The following LSAMP variants were observed in gnomAD, a reference collection of about 807,000 sequenced individuals.
LSAMP encodes the protein limbic system associated membrane protein.
Under a neutral mutation model 38.6 loss-of-function variants are expected in LSAMP, and 7 were observed. That is an observed-to-expected ratio of 0.18 (90% CI 0.10 to 0.34). The LOEUF is 0.34. Among genes scored for constraint, LSAMP ranks in the 10% least tolerant of loss-of-function variants. LSAMP has a pLI of 1.00. For missense variants in LSAMP, 313 were observed against 420.0 expected, an observed-to-expected ratio of 0.75 and a Z score of 2.23; for synonymous variants, 154 against 166.8, an observed-to-expected ratio of 0.92 and a Z score of 0.59.
At chr3:116,078,723 C>T (rs573760158) in intron 2 of LSAMP, among the ~76,000 whole-genome samples, 32 of 152,242 alleles carry the variant, frequency 2.1e-4, no homozygotes, top group African/African-American at 7.7e-4. Context: ...ATACTTGGCT[C>T]GTGAAAGTCT....
intron 1 of LSAMP, among the ~76,000 whole-genome samples, chr3:116,313,700 TC>T (rs1470762958): frequency 6.6e-6 from 1 of 152,192 alleles, no homozygotes; most frequent in Non-Finnish European, 1.5e-5. Context: ...ACACCTATCA[TC>T]CCAGTACTTT....
At chr3:116,020,740 G>T in intron 2 of LSAMP, among the ~76,000 whole-genome samples, 1 of 152,146 alleles carries the variant, frequency 6.6e-6, no homozygotes. Flanking sequence ...CATCACAGAG[G>T]TTATGCACTG....
intron 1 of LSAMP, among the ~76,000 whole-genome samples, chr3:116,304,221 A>G (rs760054044): frequency 1.3e-5 from 2 of 152,180 alleles, no homozygotes; most frequent in Non-Finnish European, 2.9e-5. Flanking sequence ...GAAAGCAGGC[A>G]TGAAAAAGAT....
At chr3:115,812,571 C>G (rs190584894) in intron 6 of LSAMP, among the ~76,000 whole-genome samples, 1 of 152,262 alleles carries the variant, frequency 6.6e-6, no homozygotes, top group Admixed American at 6.5e-5. Context: ...ATGTTACTTT[C>G]CTAACCTTTT....
chr3:115,842,713 A>G (rs1935035834), intron 4 of LSAMP, 135 bp from the exon 5 acceptor site: 4 of 1,082,348 alleles, frequency 3.7e-6, no homozygotes, highest in Non-Finnish European at 5.2e-6. Flanking sequence ...ATTTGTATGA[A>G]TTATGTGATC....
chr3:116,039,221 T>G (rs62271282), intron 2 of LSAMP, among the ~76,000 whole-genome samples: 5,566 of 152,336 alleles, frequency 0.037, 183 homozygotes, highest in Non-Finnish European at 0.052. Flanking sequence ...TAAGCAAATC[T>G]ACATTTGTCA....
rs1310872360 is a variant in LSAMP at position 116,019,383 on chromosome 3, A to C, written c.514+132T>G. 5 of 1,129,330 alleles carry C rather than the reference A, an allele frequency of 4.4e-6. No homozygotes were observed. The African/African-American group carries it at 7.8e-5, about 18-fold the overall frequency. The allele number at this position is 1,129,330 out of a possible 1,614,324, so 70.0% of individuals were successfully genotyped here. ...AGTATTTTAATAACAAGATAGATGCATGACCTTCTGATTCAACAGAATTTC... is the reference window on the plus strand; with the variant it reads ...AGTATTTTAATAACAAGATAGATGCCTGACCTTCTGATTCAACAGAATTTC... On this transcript the variant is annotated intron_variant, in intron 3 of 6. Transcript: ENST00000490035.
At chr3:116,424,446 G>C (rs1312601578) in intron 1 of LSAMP, among the ~76,000 whole-genome samples, 1 of 152,098 alleles carries the variant, frequency 6.6e-6, no homozygotes, top group East Asian at 1.9e-4. Flanking sequence ...TCTCCAAGGG[G>C]CAATTATTGA....
At chr3:115,923,699 A>AT (rs889358620) in intron 3 of LSAMP, among the ~76,000 whole-genome samples, 85 of 151,712 alleles carry the variant, frequency 5.6e-4, no homozygotes, top group East Asian at 3.3e-3. Flanking sequence ...CTACACTTCC[A>AT]TTTTTTTTAT....
intron 3 of LSAMP, among the ~76,000 whole-genome samples, chr3:115,901,514 A>G (rs1211051155): frequency 2.6e-5 from 4 of 152,100 alleles, no homozygotes; most frequent in Admixed American, 1.3e-4. Context: ...TCAAAACCCA[A>G]CTTTTTGTTC....
At chr3:116,228,281 T>C (rs1266048819) in intron 1 of LSAMP, among the ~76,000 whole-genome samples, 2 of 152,062 alleles carry the variant, frequency 1.3e-5, no homozygotes, top group Non-Finnish European at 2.9e-5. Flanking sequence ...TTAATTGTTC[T>C]TAAAGGATAT....
intron 1 of LSAMP, among the ~76,000 whole-genome samples, chr3:116,105,478 G>T (rs530499290): frequency 6.6e-6 from 1 of 152,232 alleles, no homozygotes; most frequent in African/African-American, 2.4e-5. Flanking sequence ...GGAGGTAGGG[G>T]TGGGGCCGTT....
intron 1 of LSAMP, among the ~76,000 whole-genome samples, chr3:116,096,613 G>T (rs539930355): frequency 6.6e-6 from 1 of 152,326 alleles, no homozygotes; most frequent in East Asian, 1.9e-4. Flanking sequence ...TGCATAGGCA[G>T]CATAGGACTT....
intron 1 of LSAMP, among the ~76,000 whole-genome samples, chr3:116,113,018 A>G (rs1454725517): frequency 6.6e-6 from 1 of 151,844 alleles, no homozygotes; most frequent in East Asian, 1.9e-4. Context: ...ACAGAAATGT[A>G]TCTACAACAA....
chr3:116,092,869 C>T (rs541536923), intron 1 of LSAMP, among the ~76,000 whole-genome samples: 2 of 152,104 alleles, frequency 1.3e-5, no homozygotes, highest in Non-Finnish European at 2.9e-5. Flanking sequence ...AAATATTAAG[C>T]CTGTTCAATT....
rs1418273718 is a variant in LSAMP, at chr3:115,808,000, A to C, written c.*2317T>G. ...AAGAAGGCTGTGATAAGCTTCTAAA[A>C]CAAACAATAAAATCCCTTAGAAGAA... On this transcript the variant is annotated 3_prime_UTR_variant, in exon 7 of 7. Coordinates refer to ENST00000490035, the MANE Select transcript of LSAMP (RefSeq NM_002338.5). 1 of 152,238 alleles carries C rather than the reference A, an allele frequency of 6.6e-6. No individual in the cohort carries two copies. Among genetic ancestry groups the C allele is most frequent in the East Asian group, 1.9e-4 (1 of 5,172 alleles). 9.4% of individuals were successfully genotyped at this position (152,238 alleles called of 1,614,324 possible). A position where few individuals can be genotyped will look rare whatever the true frequency, so the allele number is the denominator to read the frequency against.
intron 1 of LSAMP, among the ~76,000 whole-genome samples, chr3:116,259,090 T>C (rs928389979): frequency 6.6e-6 from 1 of 152,158 alleles, no homozygotes; most frequent in Non-Finnish European, 1.5e-5. Flanking sequence ...GTGTTAACAC[T>C]GTTCAACATA....
chr3:115,860,432 T>C (rs1935640896), intron 3 of LSAMP, among the ~76,000 whole-genome samples: 1 of 152,248 alleles, frequency 6.6e-6, no homozygotes. Flanking sequence ...TCTCAGAATC[T>C]GCTTTATTTC....
chr3:116,008,669 C>A (rs948378129), intron 3 of LSAMP, among the ~76,000 whole-genome samples: 1 of 151,844 alleles, frequency 6.6e-6, no homozygotes, highest in Admixed American at 6.6e-5. Flanking sequence ...TATAACCCCA[C>A]CCCCACTCCC....
Sources: allele counts gnomAD v4.1 joint callset (sites outside exome capture counted in the v4.1 genomes callset), GRCh38; gene constraint gnomAD v4.1.1; transcripts MANE v1.5; gene names NCBI Gene and HGNC (gene_info 2026-07-23, HGNC 2026-07-21).